Variants in IL15 observed in about 807,000 individuals in gnomAD.
The protein encoded by IL15 is interleukin 15.
In IL15, 11 loss-of-function variants were observed where a neutral mutation model predicts 19.6. The ratio of observed to expected loss-of-function variants is 0.56; its 90% CI spans 0.35 to 0.93. The LOEUF (loss-of-function observed/expected upper bound fraction) is 0.93, where lower values mean the gene tolerates loss of function less well. Ranked by LOEUF, IL15 falls within the 40% of genes least tolerant of loss-of-function variation. The probability of loss-of-function intolerance (pLI) is 0.01; values close to 1 mark genes in which losing one functional copy is unlikely to be tolerated. For missense variants in IL15, 197 were observed against 186.5 expected (o/e 1.06, Z -0.33); for synonymous variants, 58 against 59.6 (o/e 0.97, Z 0.12).
At chr4:141,642,889 C>T (rs1727097850) in intron 1 of IL15, among the ~76,000 whole-genome samples, 1 of 152,134 alleles carries the variant, frequency 6.6e-6, no homozygotes. Context: ...GCAATGTGCT[C>T]CATGTGCTTA....
chr4:141,692,619 G>A (rs368376850), intron 2 of IL15, among the ~76,000 whole-genome samples: 9 of 152,088 alleles, frequency 5.9e-5, no homozygotes, highest in African/African-American at 1.9e-4. Context: ...CAAGTTCAAA[G>A]TTGCACAGAT....
At chr4:141,725,137 AATT>A (rs2152191535) in intron 5 of IL15, among the ~76,000 whole-genome samples, 2 of 152,314 alleles carry the variant, frequency 1.3e-5, no homozygotes, top group South Asian at 4.1e-4. Context: ...AGTCTTGCTC[AATT>A]ATTTGAAAGT....
intron 2 of IL15, among the ~76,000 whole-genome samples, chr4:141,677,766 T>C (rs1728395649): frequency 6.6e-6 from 1 of 152,222 alleles, no homozygotes; most frequent in Non-Finnish European, 1.5e-5. Flanking sequence ...TTTAAGGGCT[T>C]GTATGATTAG....
chr4:141,721,860 T>A lies in IL15; in HGVS notation c.111-64T>A. On this transcript the variant is annotated intron_variant, in intron 4 of 7. Transcript: ENST00000320650. ...TAAAAATTATTGATTGCTCTTTTGC[T>A]TATAGTATTCATCAAGATGAATAGG... The A allele has an allele frequency of 2.9e-6, 4 of 1,363,774 alleles. No individual in the cohort carries two copies. The East Asian group carries it at 9.3e-5, about 32-fold the overall frequency. The allele number at this position is 1,363,774 out of a possible 1,614,324, so 84.5% of individuals were successfully genotyped here.
chr4:141,682,420 C>A (rs542115244), intron 2 of IL15, among the ~76,000 whole-genome samples: 1 of 152,096 alleles, frequency 6.6e-6, no homozygotes, highest in Non-Finnish European at 1.5e-5. Context: ...TTACATAAAC[C>A]TTTTGACCAA....
chr4:141,725,743 A>C (rs893888581), intron 5 of IL15, among the ~76,000 whole-genome samples: 1 of 152,198 alleles, frequency 6.6e-6, no homozygotes, highest in Admixed American at 6.5e-5. Flanking sequence ...CTAGGACTGG[A>C]AACTAAGCAG....
chr4:141,664,534 A>G (rs1189902671), intron 2 of IL15, among the ~76,000 whole-genome samples: 3 of 152,194 alleles, frequency 2.0e-5, no homozygotes, highest in South Asian at 2.1e-4. Flanking sequence ...AGTACAAGCT[A>G]TAGAGCTGTT....
At chr4:141,732,295 C>A (rs72712452) in intron 7 of IL15, among the ~76,000 whole-genome samples, 16,436 of 152,176 alleles carry the variant, frequency 0.11, 980 homozygotes, top group Non-Finnish European at 0.14. Flanking sequence ...AGAGAGGCAT[C>A]TAATAGTATG....
In IL15 at chr4:141,732,924, G is replaced by C. The variant is rs563297740; in HGVS notation, c.*76G>C. The C allele has an allele frequency of 6.5e-7, 1 of 1,529,818 alleles. No individual in the cohort carries two copies. The highest frequency in any genetic ancestry group is 1.4e-5 in the African/African-American group (1 of 71,126). 94.8% of individuals were successfully genotyped at this position (1,529,818 alleles called of 1,614,324 possible). Reference sequence around the variant, plus strand: ...GCTGCTTAGACATAACAAAACACTCGGCATTTCAAATGTGCTGTCAAAACA... The same window carrying C: ...GCTGCTTAGACATAACAAAACACTCCGCATTTCAAATGTGCTGTCAAAACA... On this transcript the variant is annotated 3_prime_UTR_variant, in exon 8 of 8. Transcript: ENST00000320650.
intron 2 of IL15, among the ~76,000 whole-genome samples, chr4:141,705,793 C>G (rs1273130178): frequency 1.3e-5 from 2 of 149,306 alleles, no homozygotes; most frequent in Non-Finnish European, 3.0e-5. Flanking sequence ...TTGTTACATC[C>G]TCTTATTGAA....
intron 1 of IL15, among the ~76,000 whole-genome samples, chr4:141,653,069 A>G (rs190663174): frequency 6.1e-4 from 93 of 152,306 alleles, no homozygotes; most frequent in Non-Finnish European, 1.2e-3. Flanking sequence ...GTGTCAAAAA[A>G]TGGCTCTTAT....
intron 5 of IL15, among the ~76,000 whole-genome samples, chr4:141,724,974 C>T (rs1187866365): frequency 6.6e-6 from 1 of 151,918 alleles, no homozygotes; most frequent in Admixed American, 6.6e-5. Flanking sequence ...GATGCTAAAA[C>T]CAAATAAAGA....
chr4:141,673,109 A>G (rs1018621411), intron 2 of IL15, among the ~76,000 whole-genome samples: 5 of 152,332 alleles, frequency 3.3e-5, no homozygotes, highest in African/African-American at 1.2e-4. Context: ...TTAGCACAGC[A>G]GTTAGAACAT....
At chr4:141,648,714 T>A (rs902946193) in intron 1 of IL15, among the ~76,000 whole-genome samples, 10 of 152,064 alleles carry the variant, frequency 6.6e-5, no homozygotes, top group African/African-American at 2.4e-4. Flanking sequence ...CCTCTAAAAC[T>A]GGAAAGATGT....
intron 1 of IL15, among the ~76,000 whole-genome samples, chr4:141,653,050 TAG>T (rs1727463101): frequency 6.6e-6 from 1 of 152,164 alleles, no homozygotes; most frequent in Non-Finnish European, 1.5e-5. Context: ...AGTGATCACA[TAG>T]AGACTGGTGT....
At chr4:141,712,427 A>G (rs1242429749) in intron 2 of IL15, among the ~76,000 whole-genome samples, 1 of 151,976 alleles carries the variant, frequency 6.6e-6, no homozygotes, top group Non-Finnish European at 1.5e-5. Flanking sequence ...ATTTTCAAAA[A>G]CATTTGCACC....
intron 2 of IL15, among the ~76,000 whole-genome samples, chr4:141,701,884 C>T (rs914306146): frequency 1.3e-5 from 2 of 152,318 alleles, no homozygotes; most frequent in South Asian, 2.1e-4. Flanking sequence ...AATGTTGATG[C>T]TCCAAGTAGC....
At chr4:141,667,233 G>A (rs1334040206) in intron 2 of IL15, among the ~76,000 whole-genome samples, 3 of 152,152 alleles carry the variant, frequency 2.0e-5, no homozygotes, top group Non-Finnish European at 4.4e-5. Flanking sequence ...ATGTGAGCCA[G>A]CCTAACAAAT....
chr4:141,702,335 C>A (rs1031075232), intron 2 of IL15, among the ~76,000 whole-genome samples: 1 of 152,174 alleles, frequency 6.6e-6, no homozygotes, highest in African/African-American at 2.4e-5. Context: ...CTGGGTCTAG[C>A]CACCCAGTAG....
Sources: allele counts gnomAD v4.1 joint callset (sites outside exome capture counted in the v4.1 genomes callset), GRCh38; gene constraint gnomAD v4.1.1; transcripts MANE v1.5; gene names NCBI Gene and HGNC (gene_info 2026-07-23, HGNC 2026-07-21).